ELL: variants seen among roughly 807,000 people sequenced by gnomAD.
ELL encodes the protein elongation factor for RNA polymerase II.
In ELL, 18 loss-of-function variants were observed where a neutral mutation model predicts 64.0. The observed-to-expected ratio is 0.28, with a 90% CI of 0.19 to 0.42. The LOEUF (loss-of-function observed/expected upper bound fraction) is 0.42. Among genes scored for constraint, ELL ranks in the 10% least tolerant of loss-of-function variants. The probability of loss-of-function intolerance (pLI) is 1.00; values close to 1 mark genes in which losing one functional copy is unlikely to be tolerated. For synonymous variants in ELL, 399 were observed against 376.2 expected (o/e 1.06, Z -0.70); for missense variants, 797 against 870.4 (o/e 0.92, Z 1.06).
Position 18,461,671 on chromosome 19 carries a change from T to C in ELL, c.651A>G (p.Leu217=). 1 of 1,613,258 alleles carries C rather than the reference T, an allele frequency of 6.2e-7. No individual in the cohort carries two copies. The highest frequency in any genetic ancestry group is 8.5e-7 in the Non-Finnish European group (1 of 1,179,974). The part of the protein sequence containing the change: ...FRDRVLHLLA[L]RPYRKAELLL... Reference sequence around the variant, plus strand: ...GCAGCTCAGCCTTGCGGTAGGGCCGTAGTGCCAGGAGGTGCAGCACTCGGT... The same window carrying C: ...GCAGCTCAGCCTTGCGGTAGGGCCGCAGTGCCAGGAGGTGCAGCACTCGGT... The change falls in exon 5 of 12, where the codon CTA becomes CTG. Residue 217 remains leucine, a synonymous_variant. Transcript: ENST00000262809.
intron 5 of ELL, among the ~76,000 whole-genome samples, chr19:18,459,655 G>A (rs913320774): frequency 6.6e-6 from 1 of 151,982 alleles, no homozygotes; most frequent in Non-Finnish European, 1.5e-5. Flanking sequence ...GAGTAGCTGG[G>A]ACTACAGGCA....
At chr19:18,445,072 G>T in intron 11 of ELL, 152 bp downstream of exon 11, 3 of 1,185,868 alleles carry the variant, frequency 2.5e-6, no homozygotes, top group Non-Finnish European at 3.7e-6. Context: ...TGAAGACTTA[G>T]CTGGGGGTGG....
rs149542120 is a variant in ELL at position 18,444,463 on chromosome 19, G to A, written c.*289C>T. On this transcript the variant is annotated 3_prime_UTR_variant, in exon 12 of 12. Coordinates refer to ENST00000262809, the MANE Select transcript of ELL (RefSeq NM_006532.4). ...GCAGGCGCGCCACCCCAAGGGCCTA[G>A]GAGTCTTCTGGCGAGACAGGAGGCT... 2,924 of 394,742 alleles carry A rather than the reference G, an allele frequency of 7.4e-3. 17 individuals are homozygous for A. The highest frequency in any genetic ancestry group is 0.018 in the African/African-American group (874 of 49,356). 24.5% of individuals were successfully genotyped at this position (394,742 alleles called of 1,614,324 possible). A position where few individuals can be genotyped will look rare whatever the true frequency, so the allele number is the denominator to read the frequency against.
intron 1 of ELL, among the ~76,000 whole-genome samples, chr19:18,510,079 A>G (rs1286890952): frequency 1.3e-5 from 2 of 152,054 alleles, no homozygotes; most frequent in Admixed American, 6.5e-5. Context: ...ACAGAAACCC[A>G]TGTCCCAGCT....
rs1234789877 is a variant in ELL at position 18,446,389 on chromosome 19, G to A, written c.1624C>T (p.Arg542Cys). ...AACCGCCGCGTGATGCGCTCAATGCGGGCGTGCAGGTCGCGGTACTCGCTG... is the reference window on the plus strand; with the variant it reads ...AACCGCCGCGTGATGCGCTCAATGCAGGCGTGCAGGTCGCGGTACTCGCTG... Reference protein sequence around the residue: ...EYSEYRDLHARIERITRRFTQ... With the variant: ...EYSEYRDLHACIERITRRFTQ... Residue 542 changes from arginine (R) to cysteine (C), a missense_variant, in exon 10 of 12, where the codon CGC becomes TGC. Coordinates refer to ENST00000262809, the MANE Select transcript of ELL (RefSeq NM_006532.4). The A allele has an allele frequency of 6.2e-6, 10 of 1,611,488 alleles. No homozygotes were observed. Among genetic ancestry groups the A allele is most frequent in the African/African-American group, 2.7e-5 (2 of 74,944 alleles).
intron 1 of ELL, among the ~76,000 whole-genome samples, chr19:18,502,751 C>T (rs1568396807): frequency 2.0e-5 from 3 of 152,206 alleles, no homozygotes; most frequent in African/African-American, 2.4e-5. Flanking sequence ...CACGGGGTGG[C>T]AGCATGGGTT....
intron 1 of ELL, among the ~76,000 whole-genome samples, chr19:18,519,935 C>T (rs553942292): frequency 6.6e-6 from 1 of 152,268 alleles, no homozygotes; most frequent in South Asian, 2.1e-4. Flanking sequence ...CCAAGTTGCT[C>T]TGGATGGCTT....
At chr19:18,451,322 C>G (rs964313041) in intron 7 of ELL, among the ~76,000 whole-genome samples, 5 of 152,222 alleles carry the variant, frequency 3.3e-5, no homozygotes, top group Admixed American at 6.5e-5. Context: ...AGCCGCCCCC[C>G]GTCCCAGGTT....
chr19:18,473,262 C>T (rs1975102844), intron 1 of ELL: 1 of 518,848 alleles, frequency 1.9e-6, no homozygotes, highest in Admixed American at 2.3e-5. Flanking sequence ...ACAGCCCTGC[C>T]AGGAAAAAGC....
At position 18,446,182 on chromosome 19, in the gene ELL, G is replaced by A. The variant is rs1974409400; in HGVS notation, c.1704+127C>T. The A allele has an allele frequency of 5.9e-6, 7 of 1,190,278 alleles. No individual in the cohort carries two copies. The South Asian group carries it at 8.0e-5, about 14-fold the overall frequency. The allele number at this position is 1,190,278 out of a possible 1,614,324, so 73.7% of individuals were successfully genotyped here. A position where few individuals can be genotyped will look rare whatever the true frequency, so the allele number is the denominator to read the frequency against. On this transcript the variant is annotated intron_variant, in intron 10 of 11. Transcript: ENST00000262809. ...GGTTGCTGCATGGAGTGCACCAGGG[G>A]GAGAAGCGCTGCCTGGGGAAGGGCC...
chr19:18,513,821 C>T (rs905914789), intron 1 of ELL, among the ~76,000 whole-genome samples: 1 of 151,972 alleles, frequency 6.6e-6, no homozygotes, highest in East Asian at 1.9e-4. Context: ...GTCCCAGCTA[C>T]GCAAGAGGCT....
At chr19:18,467,434 G>C (rs994158426) in intron 2 of ELL, among the ~76,000 whole-genome samples, 3 of 152,040 alleles carry the variant, frequency 2.0e-5, no homozygotes, top group Non-Finnish European at 2.9e-5. Flanking sequence ...CCCAAACAGC[G>C]TGCTGGTGGA....
At chr19:18,468,750 G>A (rs1975003672) in intron 2 of ELL, among the ~76,000 whole-genome samples, 4 of 152,330 alleles carry the variant, frequency 2.6e-5, no homozygotes, top group South Asian at 4.1e-4. Context: ...GCACCCTCAC[G>A]TGCAGCCCTG....
intron 1 of ELL, 159 bp from the exon 2 acceptor site, chr19:18,473,041 G>C: frequency 1.2e-6 from 1 of 823,974 alleles, no homozygotes; most frequent in South Asian, 1.7e-5. Flanking sequence ...TTATAGGCAA[G>C]GTCACCGGAG....
intron 1 of ELL, among the ~76,000 whole-genome samples, chr19:18,474,776 G>C (rs1428804763): frequency 6.6e-6 from 1 of 152,210 alleles, no homozygotes; most frequent in Non-Finnish European, 1.5e-5. Flanking sequence ...AGAGAACAGG[G>C]GACCTCGGCC....
rs547895129 is a variant in ELL, at chr19:18,453,196, C to T, written c.870-1548G>A. On this transcript the variant is annotated intron_variant, in intron 6 of 11. Coordinates refer to ENST00000262809, the MANE Select transcript of ELL (RefSeq NM_006532.4). Reference sequence around the variant, plus strand: ...GGCTGAAGCAGGAGAATCACTTGAACCCGGGAGGCGGAGGTTGCAGTGAGC... The same window carrying T: ...GGCTGAAGCAGGAGAATCACTTGAATCCGGGAGGCGGAGGTTGCAGTGAGC... 4.6e-5 allele frequency among the ~76,000 whole-genome samples: 7 copies of T among 152,220 alleles called. No individual in the cohort carries two copies. In the East Asian group the frequency reaches 1.3e-3, roughly 29 times the overall value.
chr19:18,458,468 T>C (rs977754412), intron 5 of ELL, 139 bp from the exon 6 acceptor site: 26 of 1,344,312 alleles, frequency 1.9e-5, no homozygotes, highest in Non-Finnish European at 2.6e-5. Flanking sequence ...GGAAAGAGGA[T>C]GGCCCACTAC....
chr19:18,485,179 C>T (rs754006199), intron 1 of ELL, among the ~76,000 whole-genome samples: 20 of 152,174 alleles, frequency 1.3e-4, no homozygotes, highest in Non-Finnish European at 2.5e-4. Flanking sequence ...GTCCCAAACC[C>T]CATTCACCTC....
At chr19:18,448,432 T>A (rs746440816) in intron 8 of ELL, 1 of 152,202 alleles carries the variant, frequency 6.6e-6, no homozygotes, top group Non-Finnish European at 1.5e-5. Context: ...GGCCAGACAC[T>A]GTCTTCCATA....
Sources: gnomAD v4.1 joint callset for allele counts (sites outside exome capture counted in the v4.1 genomes callset) on GRCh38, gnomAD v4.1.1 for gene constraint, MANE v1.5 for transcripts, NCBI Gene and HGNC (gene_info 2026-07-23, HGNC 2026-07-21) for gene names.